RPS14: variants seen among roughly 807,000 people sequenced by gnomAD.
RPS14 encodes the protein ribosomal protein S14.
Under a neutral mutation model 15.4 loss-of-function variants are expected in RPS14, and 1 was observed. The observed-to-expected ratio is 0.07, with a 90% CI of 0.02 to 0.31. RPS14 has a LOEUF of 0.31. RPS14 is among the 10% of genes least tolerant of loss of function. The pLI, the probability that RPS14 is intolerant of heterozygous loss-of-function variation, is 1.00. For missense variants in RPS14, 69 were observed against 205.5 expected, an observed-to-expected ratio of 0.34 and a Z score of 4.06; for synonymous variants, 68 against 74.4, an observed-to-expected ratio of 0.91 and a Z score of 0.44.
chr5:150,446,819 C>T lies in RPS14; in HGVS notation c.294G>A (p.Arg98=). The change falls in exon 3 of 5, where the codon CGG becomes CGA. Residue 98 remains arginine, a synonymous_variant. Coordinates refer to ENST00000407193, the MANE Select transcript of RPS14 (RefSeq NM_005617.4). This position sits in a 1 kb window ranked among gnomAD's most constrained non-coding sequence, Gnocchi z 4.2. ...ACTCGTACCTATTTCCTCCTGTGGC[C>T]CGGAGTTTGATGTGTAGGGCGGTGA... ...LGITALHIKL[R]ATGGNRTKTP... The T allele has an allele frequency of 6.2e-7, 1 of 1,614,124 alleles. No individual in the cohort carries two copies. The highest frequency in any genetic ancestry group is 1.1e-5 in the South Asian group (1 of 91,080).
rs1469015746 is a variant in RPS14, at chr5:150,445,601, G to C, written c.388+8C>G. Reference sequence around the variant, plus strand: ...AAACCCAAGCATTAGCTAGAGGGGGGCACTTACCAATCCGCCCGATCTTCA... The same window carrying C: ...AAACCCAAGCATTAGCTAGAGGGGGCCACTTACCAATCCGCCCGATCTTCA... On this transcript the variant is annotated splice_region_variant and intron_variant, in intron 4 of 4. Coordinates refer to ENST00000407193, the MANE Select transcript of RPS14 (RefSeq NM_005617.4). The C allele has an allele frequency of 6.2e-7, 1 of 1,612,634 alleles. No individual in the cohort carries two copies. The highest frequency in any genetic ancestry group is 1.7e-5 in the Admixed American group (1 of 59,740).
Position 150,444,157 on chromosome 5 carries a change from C to CGAG in RPS14, c.*128_*129insCTC, listed in dbSNP as rs1771019231. On this transcript the variant is annotated 3_prime_UTR_variant, in exon 5 of 5. Transcript: ENST00000407193. ...ATCTCAGCTCTCCTCAGGCTCCTTT[C>CGAG]TCCCAAGAAGCCAAATAGGAGGAAG... 2 of 1,408,390 alleles carry CGAG rather than the reference C, an allele frequency of 1.4e-6. No homozygotes were observed. Among genetic ancestry groups the CGAG allele is most frequent in the Non-Finnish European group, 1.9e-6 (2 of 1,063,928 alleles). 87.2% of individuals were successfully genotyped at this position (1,408,390 alleles called of 1,614,324 possible).
intron 2 of RPS14, 145 bp downstream of exon 2, chr5:150,447,440 T>C: frequency 2.5e-6 from 2 of 807,276 alleles, no homozygotes; most frequent in Non-Finnish European, 4.2e-6. Flanking sequence ...AATCACAATA[T>C]TTGTGGGCTA....
intron 1 of RPS14, 152 bp from the exon 2 acceptor site, chr5:150,447,887 A>T (rs1771151158): frequency 1.2e-6 from 1 of 865,138 alleles, no homozygotes; most frequent in Non-Finnish European, 1.8e-6. Context: ...TGCCTCACTA[A>T]AACTTCTTTC....
At position 150,446,354 on chromosome 5, in the gene RPS14, C is replaced by T. The variant is rs1771096796; in HGVS notation, c.311+448G>A. On this transcript the variant is annotated intron_variant, in intron 3 of 4. Coordinates refer to ENST00000407193, the MANE Select transcript of RPS14 (RefSeq NM_005617.4). This position sits in a 1 kb window ranked among gnomAD's most constrained non-coding sequence, Gnocchi z 4.2. ...CCTCAAGACCTTTCCCTGCAGTTGT[C>T]TCTAGCTGGAATACCCTCCTCCTGT... Among the ~76,000 whole-genome samples the T allele has an allele frequency of 6.6e-6, 1 of 152,160 alleles. No individual in the cohort carries two copies. The highest frequency in any genetic ancestry group is 1.5e-5 in the Non-Finnish European group (1 of 68,024).
chr5:150,444,901 G>C (rs965427857), intron 4 of RPS14, among the ~76,000 whole-genome samples: 6 of 151,880 alleles, frequency 4.0e-5, no homozygotes, highest in African/African-American at 1.2e-4. Flanking sequence ...TGTTGTCCCA[G>C]CTACTCAGTA....
rs367664387 is a variant in RPS14 at position 150,446,672 on chromosome 5, TTAAG to T, written c.311+126_311+129del. 3.1e-6 allele frequency: 3 copies of T among 953,294 alleles called. No homozygotes were observed. Among genetic ancestry groups the T allele is most frequent in the African/African-American group, 3.3e-5 (2 of 60,914 alleles). The allele number at this position is 953,294 out of a possible 1,614,324, so 59.1% of individuals were successfully genotyped here. On this transcript the variant is annotated intron_variant, in intron 3 of 4. Coordinates refer to ENST00000407193, the MANE Select transcript of RPS14 (RefSeq NM_005617.4). The surrounding 1 kb of genome is among the most constrained non-coding windows in gnomAD (Gnocchi z 4.2). ...GGGGGGTGTACACAGGAGCCAATTATTAAGTATGTATATGCCTAAAATATCTTGT... is the reference window on the plus strand; with the variant it reads ...GGGGGGTGTACACAGGAGCCAATTATTATGTATATGCCTAAAATATCTTGT...
At position 150,444,361 on chromosome 5, in the gene RPS14, G is replaced by A. The variant is rs779033231; in HGVS notation, c.389-8C>T. 134 of 1,607,224 alleles carry A rather than the reference G, an allele frequency of 8.3e-5. 1 individual carries two copies. Among genetic ancestry groups the A allele is most frequent in the Non-Finnish European group, 1.1e-4 (124 of 1,175,338 alleles). ...GGATGGGGGTGACATCCTCTGTGGG[G>A]AGGAAGAGAAAGCGTCATTGCCTGG... On this transcript the variant is annotated splice_region_variant and splice_polypyrimidine_tract_variant and intron_variant, in intron 4 of 4. Transcript: ENST00000407193.
At chr5:150,447,946 T>C in intron 1 of RPS14, 2 of 548,266 alleles carry the variant, frequency 3.6e-6, no homozygotes, top group Non-Finnish European at 6.5e-6. Flanking sequence ...CAAAGTACCA[T>C]GAGAAGTATC....
Position 150,446,787 on chromosome 5 carries a change from C to G in RPS14, c.311+15G>C. On this transcript the variant is annotated intron_variant, in intron 3 of 4. Transcript: ENST00000407193. The surrounding 1 kb of genome is among the most constrained non-coding windows in gnomAD (Gnocchi z 4.2). ...AGGTTTTCTACCACCCAGCCATCCC[C>G]TCTGCGACTCGTACCTATTTCCTCC... 6.2e-7 allele frequency: 1 copy of G among 1,611,736 alleles called. No homozygotes were observed. The highest frequency in any genetic ancestry group is 8.5e-7 in the Non-Finnish European group (1 of 1,178,404).
chr5:150,444,378 A>T, intron 4 of RPS14, 25 bp from the exon 5 acceptor site: 1 of 1,601,996 alleles, frequency 6.2e-7, no homozygotes, highest in Non-Finnish European at 8.5e-7. Flanking sequence ...AGAAAGCGTC[A>T]TTGCCTGGAG....
chr5:150,443,653 G>C lies in RPS14; in HGVS notation c.*633C>G, dbSNP rs1345644327. 6.6e-6 allele frequency: 1 copy of C among 152,242 alleles called. No homozygotes were observed. Among genetic ancestry groups the C allele is most frequent in the Non-Finnish European group, 1.5e-5 (1 of 68,056 alleles). 9.4% of individuals were successfully genotyped at this position (152,242 alleles called of 1,614,324 possible). A position where few individuals can be genotyped will look rare whatever the true frequency, so the allele number is the denominator to read the frequency against. On this transcript the variant is annotated 3_prime_UTR_variant, in exon 5 of 5. Transcript: ENST00000407193. ...GGCAGGCACCATCACGGGGCCTTGT[G>C]GTAATCCCTTGCAAAACGCTGAGTA...
chr5:150,444,124 G>T lies in RPS14; in HGVS notation c.*162C>A. Reference sequence around the variant, plus strand: ...TAGCATGGAAAAGACCCCAAATGCAGCACCAGGATCTCAGCTCTCCTCAGG... The same window carrying T: ...TAGCATGGAAAAGACCCCAAATGCATCACCAGGATCTCAGCTCTCCTCAGG... On this transcript the variant is annotated 3_prime_UTR_variant, in exon 5 of 5. Transcript: ENST00000407193. 1 of 1,094,628 alleles carries T rather than the reference G, an allele frequency of 9.1e-7. No homozygotes were observed. The highest frequency in any genetic ancestry group is 1.2e-6 in the Non-Finnish European group (1 of 809,370). 67.8% of individuals were successfully genotyped at this position (1,094,628 alleles called of 1,614,324 possible). A position where few individuals can be genotyped will look rare whatever the true frequency, so the allele number is the denominator to read the frequency against.
In RPS14 at chr5:150,446,411, C is replaced by A. The variant is rs1054223125; in HGVS notation, c.311+391G>T. Among the ~76,000 whole-genome samples, 5 of 152,220 alleles carry A rather than the reference C, an allele frequency of 3.3e-5. No homozygotes were observed. Among genetic ancestry groups the A allele is most frequent in the Non-Finnish European group, 5.9e-5 (4 of 68,042 alleles). On this transcript the variant is annotated intron_variant, in intron 3 of 4. Transcript: ENST00000407193. This position sits in a 1 kb window ranked among gnomAD's most constrained non-coding sequence, Gnocchi z 4.2. ...TTCACTGGAAGGACTCCGGACTTATCATTTAGACCCTAGTTTAAATTACAC... is the reference window on the plus strand; with the variant it reads ...TTCACTGGAAGGACTCCGGACTTATAATTTAGACCCTAGTTTAAATTACAC...
Position 150,444,123 on chromosome 5 carries a change from A to G in RPS14, c.*163T>C. ...GTAGCATGGAAAAGACCCCAAATGC[A>G]GCACCAGGATCTCAGCTCTCCTCAG... On this transcript the variant is annotated 3_prime_UTR_variant, in exon 5 of 5. Coordinates refer to ENST00000407193, the MANE Select transcript of RPS14 (RefSeq NM_005617.4). 1 of 1,080,888 alleles carries G rather than the reference A, an allele frequency of 9.3e-7. No homozygotes were observed. The highest frequency in any genetic ancestry group is 1.3e-6 in the Non-Finnish European group (1 of 798,256). The allele number at this position is 1,080,888 out of a possible 1,614,324, so 67.0% of individuals were successfully genotyped here.
chr5:150,449,134 T>C (rs1252406610), intron 1 of RPS14: 6 of 152,114 alleles, frequency 3.9e-5, no homozygotes, highest in South Asian at 4.1e-4. Flanking sequence ...ACAGCAAACA[T>C]TGGTGCTGGG....
At position 150,446,793 on chromosome 5, in the gene RPS14, G is replaced by A. The variant is rs747565722; in HGVS notation, c.311+9C>T. 2.4e-5 allele frequency: 38 copies of A among 1,612,554 alleles called. No individual in the cohort carries two copies. The African/African-American group carries it at 2.7e-4, about 11-fold the overall frequency. On this transcript the variant is annotated intron_variant, in intron 3 of 4. Coordinates refer to ENST00000407193, the MANE Select transcript of RPS14 (RefSeq NM_005617.4). This position sits in a 1 kb window ranked among gnomAD's most constrained non-coding sequence, Gnocchi z 4.2. ...TCTACCACCCAGCCATCCCCTCTGC[G>A]ACTCGTACCTATTTCCTCCTGTGGC...
At chr5:150,448,515 T>G (rs1771171084) in intron 1 of RPS14, 1 of 152,226 alleles carries the variant, frequency 6.6e-6, no homozygotes, top group South Asian at 2.1e-4. Flanking sequence ...AGGATAAGAC[T>G]GCTTCCGGCC....
At chr5:150,448,919 T>C (rs763898130) in intron 1 of RPS14, 4 of 152,188 alleles carry the variant, frequency 2.6e-5, no homozygotes, top group Admixed American at 6.5e-5. Context: ...TTAACTATTG[T>C]AAGGAACGCG....
Sources: allele counts gnomAD v4.1 joint callset (sites outside exome capture counted in the v4.1 genomes callset), GRCh38; gene constraint gnomAD v4.1.1; non-coding constraint Gnocchi (gnomAD v3.1); transcripts MANE v1.5; gene names NCBI Gene and HGNC (gene_info 2026-07-23, HGNC 2026-07-21).